The following LSP1 variants were observed in gnomAD, a reference collection of about 807,000 sequenced individuals.
The protein encoded by LSP1 is lymphocyte-specific protein 1.
LSP1 carries 32 observed loss-of-function variants against 49.3 expected under a neutral mutation model. The observed-to-expected ratio is 0.65, with a 90% CI of 0.49 to 0.87. The LOEUF is 0.87. Ranked by LOEUF, LSP1 falls within the 40% of genes least tolerant of loss-of-function variation. The pLI, the probability that LSP1 is intolerant of heterozygous loss-of-function variation, is 0.00. For missense variants in LSP1, 428 were observed against 442.6 expected (o/e 0.97, Z 0.30); for synonymous variants, 179 against 178.8 (o/e 1.00, Z -0.01).
intron 10 of LSP1, chr11:1,890,272 G>T (rs1005533634): frequency 1.4e-6 from 1 of 713,666 alleles, no homozygotes; most frequent in Non-Finnish European, 2.6e-6. Context: ...ACCATGCGGG[G>T]AGCCTCGGCG....
At chr11:1,860,284 GGATAATTGAAT>G (rs113303052) in intron 1 of LSP1, among the ~76,000 whole-genome samples, 59 of 42,162 alleles carry the variant, frequency 1.4e-3, no homozygotes, top group African/African-American at 4.1e-3. Context: ...ATGGATGGAT[GGATAATTGAAT>G]GATGGATGGA....
At chr11:1,890,826 C>T in intron 10 of LSP1, 1 of 568,394 alleles carries the variant, frequency 1.8e-6, no homozygotes. Flanking sequence ...GGCCGAGTCC[C>T]TCCAGGGATG....
At chr11:1,869,731 C>A (rs1016907657) in intron 1 of LSP1, 3 of 470,002 alleles carry the variant, frequency 6.4e-6, no homozygotes, top group Middle Eastern at 3.2e-4. Flanking sequence ...TGAGGCCAGG[C>A]GAGGGCTGGC....
chr11:1,886,328 T>C (rs540570213), intron 7 of LSP1, among the ~76,000 whole-genome samples: 2 of 151,832 alleles, frequency 1.3e-5, no homozygotes, highest in East Asian at 3.9e-4. Flanking sequence ...CAATATTCCT[T>C]CATCTATCAA....
At chr11:1,867,444 C>G (rs975854278) in intron 1 of LSP1, among the ~76,000 whole-genome samples, 2 of 151,816 alleles carry the variant, frequency 1.3e-5, no homozygotes, top group Non-Finnish European at 2.9e-5. Context: ...TCCAACAGCT[C>G]GGACTTCCCC....
At position 1,881,544 on chromosome 11, in the gene LSP1, G is replaced by A; in HGVS notation, c.304G>A (p.Asp102Asn). The change falls in exon 3 of 11, where the codon GAC (aspartate) becomes AAC (asparagine). Residue 102 changes from aspartate to asparagine, a missense_variant. Physicochemically the swap from Asp to Asn is conservative, Grantham distance 23 (BLOSUM62 1). Coordinates refer to ENST00000311604, the MANE Select transcript of LSP1 (RefSeq NM_002339.3). ...QQHEGAQGAL[D>N]SGEPPQCRSP... is the part of the protein sequence containing the mutation. The stretch of plus-strand genomic sequence containing the variant: ...GCACGAGGGGGCGCAGGGCGCCTTG[G>A]ACAGCGGAGAGCCCCCCCAGTGCAG... 1 of 1,546,654 alleles carries A rather than the reference G, an allele frequency of 6.5e-7. No homozygotes were observed. Among genetic ancestry groups the A allele is most frequent in the South Asian group, 1.2e-5 (1 of 83,502 alleles).
chr11:1,869,224 G>T (rs1847892836), intron 1 of LSP1: 3 of 232,102 alleles, frequency 1.3e-5, no homozygotes, highest in South Asian at 1.2e-4. Flanking sequence ...CTGAGGTGGT[G>T]CTTGCGGAGG....
At chr11:1,877,203 C>T (rs1271140276) in intron 1 of LSP1, among the ~76,000 whole-genome samples, 1 of 152,152 alleles carries the variant, frequency 6.6e-6, no homozygotes, top group Admixed American at 6.5e-5. Flanking sequence ...AGAGCTGCCC[C>T]CCTTTCAGTT....
In LSP1 at chr11:1,887,974, T is replaced by C. The variant is rs118081150; in HGVS notation, c.*13+398T>C. On this transcript the variant is annotated intron_variant, in intron 10 of 10. Coordinates refer to ENST00000311604, the MANE Select transcript of LSP1 (RefSeq NM_002339.3). ...TGACCATCTGTATGCTGAGGGTCCA[T>C]AGAGGGGCAGGAACTTAGGTCCTAC... Among the ~76,000 whole-genome samples the C allele has an allele frequency of 9.0e-4, 137 of 152,220 alleles. 2 individuals are homozygous for C. The East Asian group carries it at 0.019, about 21-fold the overall frequency.
At chr11:1,866,873 G>T in intron 1 of LSP1, 1 of 1,539,000 alleles carries the variant, frequency 6.5e-7, no homozygotes. Context: ...TCGGCCATGA[G>T]CATCCGTCCA....
intron 8 of LSP1, 92 bp downstream of exon 8, chr11:1,886,958 G>T: frequency 6.8e-7 from 1 of 1,478,550 alleles, no homozygotes; most frequent in South Asian, 1.3e-5. Flanking sequence ...ACAAGCATGG[G>T]ACTGTCCAGG....
intron 1 of LSP1, chr11:1,876,644 A>T: frequency 8.1e-6 from 8 of 985,056 alleles, no homozygotes; most frequent in Non-Finnish European, 9.6e-6. Flanking sequence ...GGGAGGACGG[A>T]GGTGGGTAGC....
intron 1 of LSP1, among the ~76,000 whole-genome samples, chr11:1,855,849 G>C (rs1423569319): frequency 1.3e-5 from 2 of 152,210 alleles, no homozygotes; most frequent in African/African-American, 2.4e-5. Flanking sequence ...GCCCCCAAGA[G>C]CAAGGCTCTC....
intron 10 of LSP1, chr11:1,890,353 C>T (rs1267530275): frequency 1.4e-6 from 1 of 716,030 alleles, no homozygotes; most frequent in Non-Finnish European, 2.6e-6. Flanking sequence ...GGGGCTGTGA[C>T]CTCCTGGTCA....
At position 1,856,568 on chromosome 11, in the gene LSP1, G is replaced by C. The variant is rs536672203; in HGVS notation, c.53+3371G>C. Among the ~76,000 whole-genome samples the C allele has an allele frequency of 1.3e-3, 195 of 152,358 alleles. 1 individual carries two copies. Among genetic ancestry groups the C allele is most frequent in the Middle Eastern group, 3.4e-3 (1 of 294 alleles). The stretch of plus-strand genomic sequence containing the variant: ...CCTCCCTCGCTTCTCTGTGTGCTGA[G>C]CTGAGTTGGGAAGGGCAGGGATGAC... On this transcript the variant is annotated intron_variant, in intron 1 of 10. Coordinates refer to ENST00000311604, the MANE Select transcript of LSP1 (RefSeq NM_002339.3).
chr11:1,884,168 C>A lies in LSP1; in HGVS notation c.592-112C>A. ...CCCCCATTGCCCGGTGCTCAGCGAACCCCCATGATATAAGGGTTGGGGGTT... is the reference window on the plus strand; with the variant it reads ...CCCCCATTGCCCGGTGCTCAGCGAAACCCCATGATATAAGGGTTGGGGGTT... On this transcript the variant is annotated intron_variant, in intron 5 of 10. Transcript: ENST00000311604. The surrounding 1 kb of genome is among the most constrained non-coding windows in gnomAD (Gnocchi z 4.1). 1 of 1,458,878 alleles carries A rather than the reference C, an allele frequency of 6.9e-7. No homozygotes were observed. Among genetic ancestry groups the A allele is most frequent in the Non-Finnish European group, 9.6e-7 (1 of 1,040,994 alleles). 90.4% of individuals were successfully genotyped at this position (1,458,878 alleles called of 1,614,324 possible). A position where few individuals can be genotyped will look rare whatever the true frequency, so the allele number is the denominator to read the frequency against.
intron 2 of LSP1, 151 bp downstream of exon 2, chr11:1,880,375 T>A: frequency 1.0e-6 from 1 of 976,616 alleles, no homozygotes; most frequent in Non-Finnish European, 1.4e-6. Flanking sequence ...TGGGAGTGGG[T>A]GAGTGCTCCT....
At position 1,884,088 on chromosome 11, in the gene LSP1, T is replaced by TC; in HGVS notation, c.591+67dup. 4 of 1,516,176 alleles carry TC rather than the reference T, an allele frequency of 2.6e-6. No individual in the cohort carries two copies. Among genetic ancestry groups the TC allele is most frequent in the Non-Finnish European group, 1.8e-6 (2 of 1,106,350 alleles). The allele number at this position is 1,516,176 out of a possible 1,614,324, so 93.9% of individuals were successfully genotyped here. A position where few individuals can be genotyped will look rare whatever the true frequency, so the allele number is the denominator to read the frequency against. ...CCCGTACTCATACCCAAAAGGCCAA[T>TC]CCCACATGCCAGCCACAGGAAGACC... On this transcript the variant is annotated intron_variant, in intron 5 of 10. Coordinates refer to ENST00000311604, the MANE Select transcript of LSP1 (RefSeq NM_002339.3). The surrounding 1 kb of genome is among the most constrained non-coding windows in gnomAD (Gnocchi z 4.1).
At chr11:1,870,576 C>G (rs1589814619) in intron 1 of LSP1, 1 of 1,134,994 alleles carries the variant, frequency 8.8e-7, no homozygotes, top group East Asian at 6.6e-5. Flanking sequence ...GTAGGAAGAT[C>G]CCGGTGCTGT....
Sources: allele counts gnomAD v4.1 joint callset (sites outside exome capture counted in the v4.1 genomes callset), GRCh38; gene constraint gnomAD v4.1.1; non-coding constraint Gnocchi (gnomAD v3.1); transcripts MANE v1.5; gene names NCBI Gene and HGNC (gene_info 2026-07-23, HGNC 2026-07-21).